Variants in ALX4 observed in about 807,000 individuals in gnomAD.
ALX4 encodes ALX homeobox 4.
A neutral mutation model predicts 40.6 loss-of-function variants in ALX4; 22 were observed. The observed-to-expected ratio is 0.54, with a 90% CI of 0.39 to 0.77. The LOEUF (loss-of-function observed/expected upper bound fraction) is 0.77, where lower values mean the gene tolerates loss of function less well. Ranked by LOEUF, ALX4 falls within the 30% of genes least tolerant of loss-of-function variation. The probability of loss-of-function intolerance (pLI) is 0.00; values close to 1 mark genes in which losing one functional copy is unlikely to be tolerated. For missense variants in ALX4, 556 were observed against 564.8 expected, an observed-to-expected ratio of 0.98 and a Z score of 0.16; for synonymous variants, 266 against 240.5, an observed-to-expected ratio of 1.11 and a Z score of -0.98.
chr11:44,299,521 C>T (rs1452944939), intron 1 of ALX4, among the ~76,000 whole-genome samples: 1 of 151,922 alleles, frequency 6.6e-6, no homozygotes, highest in Non-Finnish European at 1.5e-5. Context: ...CCACCACGCC[C>T]GGCTAATTTT....
chr11:44,295,778 G>A (rs180896866), intron 1 of ALX4, among the ~76,000 whole-genome samples: 180 of 152,346 alleles, frequency 1.2e-3, no homozygotes, highest in African/African-American at 3.9e-3. Context: ...CCAGATGTGC[G>A]CATCTCAGGA....
At chr11:44,286,435 A>G (rs937847127) in intron 1 of ALX4, among the ~76,000 whole-genome samples, 1 of 152,128 alleles carries the variant, frequency 6.6e-6, no homozygotes, top group African/African-American at 2.4e-5. Context: ...TTCAGGTTCC[A>G]GGGCCCAACT....
At chr11:44,285,925 G>C (rs920951614) in intron 1 of ALX4, among the ~76,000 whole-genome samples, 3 of 152,164 alleles carry the variant, frequency 2.0e-5, no homozygotes, top group African/African-American at 7.2e-5. Context: ...CCTGGGCCTC[G>C]TGTGAGTAAG....
At chr11:44,288,833 G>A (rs1956353832) in intron 1 of ALX4, among the ~76,000 whole-genome samples, 1 of 152,186 alleles carries the variant, frequency 6.6e-6, no homozygotes, top group African/African-American at 2.4e-5. Flanking sequence ...TAGTCCAAAT[G>A]AGTAAAGTTT....
chr11:44,266,661 C>T (rs1956215572), intron 3 of ALX4, among the ~76,000 whole-genome samples: 1 of 152,104 alleles, frequency 6.6e-6, no homozygotes, highest in South Asian at 2.1e-4. Flanking sequence ...CAGAATGAGG[C>T]CTGAGCAGGT....
chr11:44,288,036 G>A (rs1956349269), intron 1 of ALX4, among the ~76,000 whole-genome samples: 1 of 152,132 alleles, frequency 6.6e-6, no homozygotes, highest in Non-Finnish European at 1.5e-5. Context: ...GAGTGCAGTG[G>A]CACAATCTTG....
intron 1 of ALX4, among the ~76,000 whole-genome samples, chr11:44,302,018 T>C (rs1048147302): frequency 6.6e-6 from 1 of 152,116 alleles, no homozygotes; most frequent in Non-Finnish European, 1.5e-5. Flanking sequence ...AGGGAGATTC[T>C]GCCTGCCACT....
At chr11:44,269,760 T>C (rs1956234304) in intron 2 of ALX4, among the ~76,000 whole-genome samples, 3 of 152,228 alleles carry the variant, frequency 2.0e-5, no homozygotes, top group Non-Finnish European at 2.9e-5. Context: ...GATCCCTCTT[T>C]ATCAGTGGCC....
chr11:44,266,059 T>C (rs1956211802), intron 3 of ALX4, among the ~76,000 whole-genome samples: 1 of 151,292 alleles, frequency 6.6e-6, no homozygotes, highest in Non-Finnish European at 1.5e-5. Flanking sequence ...CTCCTGCATG[T>C]GTCTGGAGCA....
intron 1 of ALX4, among the ~76,000 whole-genome samples, chr11:44,288,524 A>G (rs577159601): frequency 2.6e-5 from 4 of 152,294 alleles, no homozygotes; most frequent in African/African-American, 9.6e-5. Context: ...GGATGAGTTT[A>G]CCTGGCAACC....
rs146621412 is a variant in ALX4, at chr11:44,281,774, C to T, written c.467-6116G>A. On this transcript the variant is annotated intron_variant, in intron 1 of 3. Transcript: ENST00000652299. ...CTGTCCAGAGCTCAACTTGAATGTCCCTAATTTAGCTCCAGTCCCAATAAA... is the reference window on the plus strand; with the variant it reads ...CTGTCCAGAGCTCAACTTGAATGTCTCTAATTTAGCTCCAGTCCCAATAAA... 9.3e-4 allele frequency among the ~76,000 whole-genome samples: 142 copies of T among 152,230 alleles called. 2 individuals are homozygous for T. In the East Asian group the frequency reaches 0.023, roughly 25 times the overall value.
At chr11:44,272,565 G>A (rs369866981) in intron 2 of ALX4, among the ~76,000 whole-genome samples, 10 of 151,662 alleles carry the variant, frequency 6.6e-5, no homozygotes, top group African/African-American at 2.4e-4. Flanking sequence ...CAGCACTTTG[G>A]GAGACCAAAG....
chr11:44,304,718 T>C (rs1034545669), intron 1 of ALX4, among the ~76,000 whole-genome samples: 1 of 152,192 alleles, frequency 6.6e-6, no homozygotes, highest in Non-Finnish European at 1.5e-5. Context: ...TGCGCGCGGC[T>C]GAGGGCAGGA....
At chr11:44,289,292 C>T (rs773826583) in intron 1 of ALX4, among the ~76,000 whole-genome samples, 3 of 152,166 alleles carry the variant, frequency 2.0e-5, no homozygotes, top group Admixed American at 2.0e-4. Context: ...CCAAATAGGG[C>T]AAATCCCAAA....
At chr11:44,280,195 C>T (rs971965642) in intron 1 of ALX4, among the ~76,000 whole-genome samples, 2 of 152,204 alleles carry the variant, frequency 1.3e-5, no homozygotes, top group Non-Finnish European at 2.9e-5. Context: ...AAGACCCAGA[C>T]AGACCTTGAG....
At chr11:44,298,592 G>A (rs1956417065) in intron 1 of ALX4, among the ~76,000 whole-genome samples, 1 of 152,138 alleles carries the variant, frequency 6.6e-6, no homozygotes, top group South Asian at 2.1e-4. Context: ...TGGGGATGAA[G>A]GGAGAAAACC....
chr11:44,265,747 G>A (rs953538652), intron 3 of ALX4, among the ~76,000 whole-genome samples: 4 of 152,124 alleles, frequency 2.6e-5, no homozygotes, highest in Admixed American at 1.3e-4. Context: ...CCTGAACTAG[G>A]AGGCTTCAGA....
intron 1 of ALX4, among the ~76,000 whole-genome samples, chr11:44,293,470 C>A (rs1437985671): frequency 6.6e-6 from 1 of 152,150 alleles, no homozygotes; most frequent in African/African-American, 2.4e-5. Flanking sequence ...ACCAAGCAAA[C>A]CTTAATCCAC....
In ALX4 at chr11:44,275,388, T is replaced by A; in HGVS notation, c.737A>T (p.Gln246Leu). Residue 246 changes from glutamine to leucine, a missense_variant, in exon 2 of 4, where the codon CAG becomes CTG. Coordinates refer to ENST00000652299, the MANE Select transcript of ALX4 (RefSeq NM_021926.4). Reference sequence around the variant, plus strand: ...AGTGAGGTCTGTCCTCATGGCCAGCTGTTCCCGCGCATACACGTCTGGGTA... The same window carrying A: ...AGTGAGGTCTGTCCTCATGGCCAGCAGTTCCCGCGCATACACGTCTGGGTA... Reference protein sequence around the residue: ...THYPDVYAREQLAMRTDLTEA... With the variant: ...THYPDVYARELLAMRTDLTEA... 6.2e-7 allele frequency: 1 copy of A among 1,614,206 alleles called. No individual in the cohort carries two copies. Among genetic ancestry groups the A allele is most frequent in the South Asian group, 1.1e-5 (1 of 91,088 alleles).
Sources: gnomAD v4.1 joint callset for allele counts (sites outside exome capture counted in the v4.1 genomes callset) on GRCh38, gnomAD v4.1.1 for gene constraint, MANE v1.5 for transcripts, NCBI Gene and HGNC (gene_info 2026-07-23, HGNC 2026-07-21) for gene names.